Variants in TMEM144 observed in about 807,000 individuals in gnomAD.
TMEM144 encodes transmembrane protein 144.
Under a neutral mutation model 43.6 loss-of-function variants are expected in TMEM144, and 39 were observed. That is an observed-to-expected ratio of 0.90 (90% CI 0.69 to 1.17). TMEM144 has a LOEUF of 1.17. Among genes scored for constraint, TMEM144 ranks in the 50% most tolerant of loss-of-function variants. The pLI is 0.00. For missense variants in TMEM144, 417 were observed against 411.9 expected (o/e 1.01, Z -0.11); for synonymous variants, 154 against 133.6 (o/e 1.15, Z -1.06).
At chr4:158,212,838 G>A (rs1734027428) in intron 3 of TMEM144, 62 bp downstream of exon 3, 4 of 1,328,282 alleles carry the variant, frequency 3.0e-6, no homozygotes, top group East Asian at 4.8e-5. Context: ...TCCTTTTTTG[G>A]TCTTTTAAAA....
chr4:158,232,866 A>G (rs1340876466), intron 6 of TMEM144, 35 bp from the exon 7 acceptor site: 1 of 1,445,946 alleles, frequency 6.9e-7, no homozygotes, highest in Non-Finnish European at 9.6e-7. Context: ...AACCAGTATT[A>G]TGATAAATAT....
intron 6 of TMEM144, among the ~76,000 whole-genome samples, chr4:158,221,384 G>C (rs531134232): frequency 6.6e-6 from 1 of 152,250 alleles, no homozygotes; most frequent in South Asian, 2.1e-4. Flanking sequence ...CTCAAATGAT[G>C]CAAGTGCCTC....
In TMEM144 at chr4:158,254,184, T is replaced by C. The variant is rs1736357879; in HGVS notation, c.*657T>C. The stretch of plus-strand genomic sequence containing the variant: ...CTCAGAGAACAAAAATTTTTCATCA[T>C]TGAGAAAATGTGCATAACATAATAC... On this transcript the variant is annotated 3_prime_UTR_variant, in exon 13 of 13. Coordinates refer to ENST00000296529, the MANE Select transcript of TMEM144 (RefSeq NM_018342.5). 6.6e-6 allele frequency: 1 copy of C among 152,248 alleles called. No homozygotes were observed. The highest frequency in any genetic ancestry group is 2.1e-4 in the South Asian group (1 of 4,834). 9.4% of individuals were successfully genotyped at this position (152,248 alleles called of 1,614,324 possible). A position where few individuals can be genotyped will look rare whatever the true frequency, so the allele number is the denominator to read the frequency against.
intron 12 of TMEM144, among the ~76,000 whole-genome samples, chr4:158,249,340 C>T (rs1369907145): frequency 3.3e-5 from 5 of 152,216 alleles, no homozygotes; most frequent in Admixed American, 6.5e-5. Flanking sequence ...CCAACACAGG[C>T]AGTTACTACC....
intron 5 of TMEM144, 136 bp downstream of exon 5, chr4:158,217,556 T>C: frequency 1.7e-6 from 1 of 600,180 alleles, no homozygotes; most frequent in Non-Finnish European, 2.9e-6. Flanking sequence ...ACATCATATA[T>C]GCCACCTTCT....
In TMEM144 at chr4:158,215,244, G is replaced by A. The variant is rs1255632307; in HGVS notation, c.163G>A (p.Val55Ile). 1 of 1,613,726 alleles carries A rather than the reference G, an allele frequency of 6.2e-7. No individual in the cohort carries two copies. Among genetic ancestry groups the A allele is most frequent in the Admixed American group, 1.7e-5 (1 of 59,986 alleles). ...TGCCATATGGTTGGTTGCCTTGGTT[G>A]TCAATCTGATATTACATTGTCCAAA... ...CAAIWLVALV[V>I]NLILHCPKFW... The change falls in exon 4 of 13, where the codon GTC becomes ATC. Residue 55 changes from valine (V) to isoleucine (I), a missense_variant. Physicochemically the swap from Val to Ile is conservative, Grantham distance 29 (BLOSUM62 3). Coordinates refer to ENST00000296529, the MANE Select transcript of TMEM144 (RefSeq NM_018342.5).
intron 12 of TMEM144, among the ~76,000 whole-genome samples, chr4:158,251,112 T>A (rs1736179322): frequency 6.6e-6 from 1 of 152,226 alleles, no homozygotes; most frequent in African/African-American, 2.4e-5. Flanking sequence ...TTATTTTTCC[T>A]TTTAAGAAGG....
rs1579094962 is a variant in TMEM144 at position 158,211,437 on chromosome 4, T to C, written c.-182-16T>C. 1.3e-5 allele frequency: 2 copies of C among 152,320 alleles called. No individual in the cohort carries two copies. The highest frequency in any genetic ancestry group is 3.9e-4 in the East Asian group (2 of 5,188). The allele number at this position is 152,320 out of a possible 1,614,324, so 9.4% of individuals were successfully genotyped here. ...AAATGATGTGTTAGCTATCACCCAG[T>C]CATGTGTCTTTTTAGTCATAGGTTA... is the stretch of plus-strand genomic sequence containing the variant. On this transcript the variant is annotated splice_polypyrimidine_tract_variant and intron_variant, in intron 1 of 12. Coordinates refer to ENST00000296529, the MANE Select transcript of TMEM144 (RefSeq NM_018342.5).
chr4:158,237,863 A>G (rs932487749), intron 9 of TMEM144, among the ~76,000 whole-genome samples: 2 of 152,200 alleles, frequency 1.3e-5, no homozygotes, highest in Non-Finnish European at 2.9e-5. Context: ...ACTCTTTTCA[A>G]CTACTTGGAT....
intron 11 of TMEM144, among the ~76,000 whole-genome samples, chr4:158,243,631 T>G (rs545022725): frequency 1.3e-5 from 2 of 152,222 alleles, no homozygotes; most frequent in South Asian, 4.1e-4. Flanking sequence ...GAACCATTCC[T>G]TTTTTTCACC....
rs147222827 is a variant in TMEM144 at position 158,223,792 on chromosome 4, T to A, written c.413+4402T>A. 1.1e-4 allele frequency among the ~76,000 whole-genome samples: 17 copies of A among 152,374 alleles called. No homozygotes were observed. The East Asian group carries it at 3.3e-3, about 29-fold the overall frequency. On this transcript the variant is annotated intron_variant, in intron 6 of 12. Coordinates refer to ENST00000296529, the MANE Select transcript of TMEM144 (RefSeq NM_018342.5). ...ATTCCATGGTGTATATGTACCACAC[T>A]TTCTTTATCCAGTCTATCATTGATG... is the stretch of plus-strand genomic sequence containing the variant.
At position 158,235,675 on chromosome 4, in the gene TMEM144, A is replaced by G. The variant is rs1417655832; in HGVS notation, c.563+170A>G. The stretch of plus-strand genomic sequence containing the variant: ...TTTTGTCCCCAGCTGAATTTTAGGT[A>G]CAGATGCCCTTGAGCTCAACTGCTT... On this transcript the variant is annotated intron_variant, in intron 8 of 12. Transcript: ENST00000296529. 3 of 527,842 alleles carry G rather than the reference A, an allele frequency of 5.7e-6. No homozygotes were observed. The East Asian group carries it at 9.0e-5, about 16-fold the overall frequency. The allele number at this position is 527,842 out of a possible 1,614,324, so 32.7% of individuals were successfully genotyped here.
chr4:158,213,229 C>G (rs563670208), intron 3 of TMEM144: 1 of 168,290 alleles, frequency 5.9e-6, no homozygotes, highest in East Asian at 1.7e-4. Context: ...ACATAATGCA[C>G]GCAGACACAC....
In TMEM144 at chr4:158,239,888, G is replaced by T. The variant is rs748557902; in HGVS notation, c.683-411G>T. ...AGGATGATTAAATATAATTAATGGG[G>T]TTTTTTTTTTTTTTTGAGACAGAGT... On this transcript the variant is annotated intron_variant, in intron 9 of 12. Coordinates refer to ENST00000296529, the MANE Select transcript of TMEM144 (RefSeq NM_018342.5). 8.2e-4 allele frequency among the ~76,000 whole-genome samples: 114 copies of T among 139,426 alleles called. No homozygotes were observed. In the Middle Eastern group the frequency reaches 0.011, roughly 14 times the overall value. 91.5% of individuals were successfully genotyped at this position (139,426 alleles called of 152,430 possible).
chr4:158,238,522 T>A (rs940875257), intron 9 of TMEM144, among the ~76,000 whole-genome samples: 4 of 152,106 alleles, frequency 2.6e-5, no homozygotes, highest in Non-Finnish European at 5.9e-5. Flanking sequence ...CAAATACTTT[T>A]TTGCATTTTT....
chr4:158,224,721 G>A lies in TMEM144; in HGVS notation c.413+5331G>A, dbSNP rs113896693. Among the ~76,000 whole-genome samples, 20 of 152,242 alleles carry A rather than the reference G, an allele frequency of 1.3e-4. 1 individual carries two copies. Among genetic ancestry groups the A allele is most frequent in the Non-Finnish European group, 1.3e-4 (9 of 68,024 alleles). On this transcript the variant is annotated intron_variant, in intron 6 of 12. Coordinates refer to ENST00000296529, the MANE Select transcript of TMEM144 (RefSeq NM_018342.5). ...AAATTTTAAGGAAAATGAGTTCTGC[G>A]ATGAGTTTCCTCATGCTTCGGCCAT...
At position 158,241,515 on chromosome 4, in the gene TMEM144, T is replaced by C. The variant is rs1291766481; in HGVS notation, c.809T>C (p.Leu270Pro). 1 of 1,613,466 alleles carries C rather than the reference T, an allele frequency of 6.2e-7. No homozygotes were observed. Among genetic ancestry groups the C allele is most frequent in the Non-Finnish European group, 8.5e-7 (1 of 1,179,492 alleles). ...LYPEAVLPGF[L>P]SGVLWAIATC... ...TGTTGTCTTTGTATTTCAGGATTCC[T>C]GTCAGGAGTACTTTGGGCTATAGCT... Residue 270 changes from leucine (L) to proline (P), a missense_variant, in exon 11 of 13, where the codon CTG becomes CCG. Coordinates refer to ENST00000296529, the MANE Select transcript of TMEM144 (RefSeq NM_018342.5).
chr4:158,217,478 C>A, intron 5 of TMEM144, 58 bp downstream of exon 5: 2 of 1,203,236 alleles, frequency 1.7e-6, no homozygotes, highest in African/African-American at 1.5e-5. Flanking sequence ...CTATGTAAAG[C>A]AAGTGATTAC....
chr4:158,247,264 TGA>T (rs1281159130), intron 12 of TMEM144, among the ~76,000 whole-genome samples: 2 of 152,040 alleles, frequency 1.3e-5, no homozygotes, highest in Non-Finnish European at 2.9e-5. Flanking sequence ...ATTATATACC[TGA>T]GTTTCATGAA....
Sources: allele counts gnomAD v4.1 joint callset (sites outside exome capture counted in the v4.1 genomes callset), GRCh38; gene constraint gnomAD v4.1.1; transcripts MANE v1.5; gene names NCBI Gene and HGNC (gene_info 2026-07-23, HGNC 2026-07-21).